ADGRL1: variants seen among roughly 807,000 people sequenced by gnomAD.
ADGRL1 encodes adhesion G protein-coupled receptor L1.
Under a neutral mutation model 148.9 loss-of-function variants are expected in ADGRL1, and 31 were observed. That is an observed-to-expected ratio of 0.21 (90% CI 0.16 to 0.28). ADGRL1 has a LOEUF of 0.28. ADGRL1 is among the 10% of genes least tolerant of loss of function. ADGRL1 has a pLI of 1.00. For missense variants in ADGRL1, 1,521 were observed against 2,058.8 expected (o/e 0.74, Z 5.05); for synonymous variants, 937 against 900.3 (o/e 1.04, Z -0.73).
chr19:14,175,859 A>C (rs1056773055), intron 3 of ADGRL1, among the ~76,000 whole-genome samples: 1 of 151,952 alleles, frequency 6.6e-6, no homozygotes, highest in Non-Finnish European at 1.5e-5. Flanking sequence ...GTTCAAGACC[A>C]ACCTGGCCAA....
rs762644315 is a variant in ADGRL1, at chr19:14,152,503, G to A, written c.3520+14C>T. ...CCAGAGACTGAAGCCAGAGGCAGAA[G>A]GATGCCTTCTCACCTCGGTTCAGGG... is the stretch of plus-strand genomic sequence containing the variant. On this transcript the variant is annotated intron_variant, in intron 20 of 22. Transcript: ENST00000361434. The surrounding 1 kb of genome is among the most constrained non-coding windows in gnomAD (Gnocchi z 6.1). 5.0e-6 allele frequency: 8 copies of A among 1,613,518 alleles called. No homozygotes were observed. Among genetic ancestry groups the A allele is most frequent in the South Asian group, 1.1e-5 (1 of 91,072 alleles).
chr19:14,196,512 C>G (rs926584873), intron 1 of ADGRL1, among the ~76,000 whole-genome samples: 4 of 152,116 alleles, frequency 2.6e-5, no homozygotes, highest in Non-Finnish European at 2.9e-5. Context: ...CCCAGCTCCT[C>G]GGGAGGCTTA....
At position 14,162,882 on chromosome 19, in the gene ADGRL1, TGTC is replaced by T; in HGVS notation, c.916_918del (p.Asp306del). 6.2e-7 allele frequency: 1 copy of T among 1,613,910 alleles called. No individual in the cohort carries two copies. Among genetic ancestry groups the T allele is most frequent in the Non-Finnish European group, 8.5e-7 (1 of 1,179,934 alleles). ...ATGAAGGCGTTGGATGCCGAGCGCTTGTCGTAACCCGTCTCCCACGTGCCCTCA... is the reference window on the plus strand; with the variant it reads ...ATGAAGGCGTTGGATGCCGAGCGCTTGTAACCCGTCTCCCACGTGCCCTCA... On this transcript the variant is annotated inframe_deletion, in exon 5 of 23. Transcript: ENST00000361434. This position sits in a 1 kb window ranked among gnomAD's most constrained non-coding sequence, Gnocchi z 5.4.
chr19:14,158,472 C>T lies in ADGRL1; in HGVS notation c.2230G>A (p.Gly744Ser), dbSNP rs368395525. 3.6e-5 allele frequency: 58 copies of T among 1,613,888 alleles called. No homozygotes were observed. The highest frequency in any genetic ancestry group is 1.6e-4 in the East Asian group (7 of 44,896). The change falls in exon 12 of 23, where the codon GGC (glycine) becomes AGC (serine). Residue 744 changes from glycine (G) to serine (S), a missense_variant. Around this residue, in one of 8 missense-constraint regions of ADGRL1, gnomAD observed 265 missense variants for 431.9 expected, o/e 0.61. Transcript: ENST00000361434. ...CCAGGGCCACCCGGGCCTGCTTCGC[C>T]GGCCAGCTTCACTGTGGCATTCTCC... ...STENATVKLAGEAGPGGPGGA... is the reference protein window; with the variant it reads ...STENATVKLASEAGPGGPGGA...
At chr19:14,185,036 G>GC (rs1971497806) in intron 1 of ADGRL1, among the ~76,000 whole-genome samples, 1 of 151,932 alleles carries the variant, frequency 6.6e-6, no homozygotes, top group Non-Finnish European at 1.5e-5. Context: ...TCCTGCCTGG[G>GC]CCCCCCAAAA....
intron 1 of ADGRL1, among the ~76,000 whole-genome samples, chr19:14,205,292 T>C (rs975043532): frequency 6.6e-6 from 1 of 151,358 alleles, no homozygotes; most frequent in Non-Finnish European, 1.5e-5. Context: ...ATAATCCGAG[T>C]GGATCAAACC....
chr19:14,201,585 TAAAA>T (rs376468100), intron 1 of ADGRL1, among the ~76,000 whole-genome samples: 1 of 150,188 alleles, frequency 6.7e-6, no homozygotes, highest in Admixed American at 6.6e-5. Flanking sequence ...GCCCAACTAT[TAAAA>T]AAAAAATTTT....
At chr19:14,202,412 C>G (rs1972673005) in intron 1 of ADGRL1, among the ~76,000 whole-genome samples, 1 of 152,188 alleles carries the variant, frequency 6.6e-6, no homozygotes, top group Admixed American at 6.5e-5. Context: ...ACCACCACGC[C>G]TGGCTAATTT....
In ADGRL1 at chr19:14,159,321, G is replaced by GC. The variant is rs749709155; in HGVS notation, c.2023+79dup. ...TGGCAAGATGCCCAAGGGTCGGATAGCCCCCCTGTGGCCTCCAGGCCAGAA... is the reference window on the plus strand; with the variant it reads ...TGGCAAGATGCCCAAGGGTCGGATAGCCCCCCCTGTGGCCTCCAGGCCAGAA... On this transcript the variant is annotated intron_variant, in intron 10 of 22. Coordinates refer to ENST00000361434, the MANE Select transcript of ADGRL1 (RefSeq NM_014921.5). This position sits in a 1 kb window ranked among gnomAD's most constrained non-coding sequence, Gnocchi z 6.0. 6.4e-7 allele frequency: 1 copy of GC among 1,572,020 alleles called. No homozygotes were observed. Among genetic ancestry groups the GC allele is most frequent in the Non-Finnish European group, 8.7e-7 (1 of 1,154,890 alleles).
intron 4 of ADGRL1, chr19:14,167,169 C>T (rs1054387646): frequency 2.6e-6 from 2 of 776,220 alleles, no homozygotes; most frequent in African/African-American, 3.5e-5. Flanking sequence ...TTCCTCGCTC[C>T]TGCTTCCCCA....
chr19:14,194,609 C>T (rs987472897), intron 1 of ADGRL1, among the ~76,000 whole-genome samples: 5 of 152,212 alleles, frequency 3.3e-5, no homozygotes, highest in African/African-American at 1.2e-4. Flanking sequence ...TACCCAGGGA[C>T]ACTCAACTGG....
rs780683446 is a variant in ADGRL1, at chr19:14,180,466, G to A, written c.71-2722C>T. On this transcript the variant is annotated intron_variant, in intron 2 of 22. Coordinates refer to ENST00000361434, the MANE Select transcript of ADGRL1 (RefSeq NM_014921.5). Reference sequence around the variant, plus strand: ...AGACGGGGTTTTGCCATGTTGGCCAGGCTGGTCTCAAACTCCTGACCTCAG... The same window carrying A: ...AGACGGGGTTTTGCCATGTTGGCCAAGCTGGTCTCAAACTCCTGACCTCAG... 1.1e-4 allele frequency among the ~76,000 whole-genome samples: 16 copies of A among 152,164 alleles called. No individual in the cohort carries two copies. In the East Asian group the frequency reaches 1.4e-3, roughly 13 times the overall value.
chr19:14,170,439 A>G, intron 4 of ADGRL1: 1 of 432,452 alleles, frequency 2.3e-6, no homozygotes, highest in South Asian at 2.7e-5. Flanking sequence ...GGGCTGGGGT[A>G]AGGAGAGCTG....
At chr19:14,195,649 G>A (rs903821037) in intron 1 of ADGRL1, among the ~76,000 whole-genome samples, 5 of 152,248 alleles carry the variant, frequency 3.3e-5, no homozygotes, top group Non-Finnish European at 5.9e-5. Context: ...TCAGGCATCC[G>A]GCAGGTCCAT....
intron 2 of ADGRL1, among the ~76,000 whole-genome samples, chr19:14,181,689 C>T (rs1359289240): frequency 6.6e-6 from 1 of 152,186 alleles, no homozygotes; most frequent in East Asian, 1.9e-4. Context: ...CACTGCACTC[C>T]AGCCTGGGCG....
chr19:14,166,634 G>A (rs1969998780), intron 4 of ADGRL1, among the ~76,000 whole-genome samples: 2 of 152,024 alleles, frequency 1.3e-5, no homozygotes, highest in Non-Finnish European at 2.9e-5. Flanking sequence ...GGGGAGCCGG[G>A]GAAGGGAGTC....
Position 14,206,051 on chromosome 19 carries a change from C to G in ADGRL1, c.-162G>C, listed in dbSNP as rs1365153940. ...TGCGGCTCGGCGAACCCGGGCCCCC[C>G]GCCCGGCACATCTCCCGGAGCCGGG... On this transcript the variant is annotated 5_prime_UTR_variant, in exon 1 of 23. Coordinates refer to ENST00000361434, the MANE Select transcript of ADGRL1 (RefSeq NM_014921.5). The G allele has an allele frequency of 6.6e-6, 1 of 152,024 alleles. No individual in the cohort carries two copies. Among genetic ancestry groups the G allele is most frequent in the Non-Finnish European group, 1.5e-5 (1 of 68,022 alleles). The allele number at this position is 152,024 out of a possible 1,614,324, so 9.4% of individuals were successfully genotyped here.
At chr19:14,193,847 A>G (rs1167188780) in intron 1 of ADGRL1, among the ~76,000 whole-genome samples, 1 of 152,232 alleles carries the variant, frequency 6.6e-6, no homozygotes, top group Admixed American at 6.5e-5. Context: ...AAAAGAAGCC[A>G]GGAGACAGGC....
chr19:14,161,478 A>C lies in ADGRL1; in HGVS notation c.1344T>G (p.Asp448Glu). The C allele has an allele frequency of 6.9e-7, 1 of 1,450,106 alleles. No homozygotes were observed. Among genetic ancestry groups the C allele is most frequent in the Non-Finnish European group, 9.1e-7 (1 of 1,099,672 alleles). 89.8% of individuals were successfully genotyped at this position (1,450,106 alleles called of 1,614,324 possible). Residue 448 changes from aspartate (D) to glutamate (E), a missense_variant, in exon 6 of 23, where the codon GAT becomes GAG. Asp to Glu is a conservative substitution (Grantham distance 45, BLOSUM62 2). Around this residue, in one of 8 missense-constraint regions of ADGRL1, gnomAD observed 270 missense variants for 320.4 expected, o/e 0.84. Transcript: ENST00000361434. This position sits in a 1 kb window ranked among gnomAD's most constrained non-coding sequence, Gnocchi z 4.4. ...PVGAINQLGP[D>E]LPPATAPVPS... The stretch of plus-strand genomic sequence containing the variant: ...GGACTGGGGCTGTGGCTGGAGGCAG[A>C]TCAGGTCCCAGCTGGTTGATGGCAC...
Sources: gnomAD v4.1 joint callset for allele counts (sites outside exome capture counted in the v4.1 genomes callset) on GRCh38, gnomAD v4.1.1 for gene constraint, gnomAD v4.1.1 regional missense constraint, Gnocchi (gnomAD v3.1) non-coding constraint, MANE v1.5 for transcripts, NCBI Gene and HGNC (gene_info 2026-07-23, HGNC 2026-07-21) for gene names.